The following EPHB1 variants were observed in gnomAD, a reference collection of about 807,000 sequenced individuals.
EPHB1 encodes EPH receptor B1, also known as ephrin type-B receptor 1.
EPHB1 carries 30 observed loss-of-function variants against 94.4 expected under a neutral mutation model. The ratio of observed to expected loss-of-function variants is 0.32; its 90% CI spans 0.24 to 0.43. The LOEUF (loss-of-function observed/expected upper bound fraction) is 0.43, where lower values mean the gene tolerates loss of function less well. Among genes scored for constraint, EPHB1 ranks in the 20% least tolerant of loss-of-function variants. The probability of loss-of-function intolerance (pLI) is 1.00; values close to 1 mark genes in which losing one functional copy is unlikely to be tolerated. For synonymous variants in EPHB1, 522 were observed against 489.1 expected (o/e 1.07, Z -0.89); for missense variants, 1,055 against 1,308.3 (o/e 0.81, Z 2.99).
At chr3:135,179,803 C>T (rs2107704776) in intron 9 of EPHB1, 57 bp from the exon 10 acceptor site, 1 of 1,604,410 alleles carries the variant, frequency 6.2e-7, no homozygotes, top group Non-Finnish European at 8.5e-7. Context: ...ATCAGCAGTG[C>T]TGAATGACAA....
At position 135,260,133 on chromosome 3, in the gene EPHB1, CTGAT is replaced by C. The variant is rs1207157185; in HGVS notation, c.*1015_*1018del. The C allele has an allele frequency of 1.3e-5, 3 of 232,882 alleles. No homozygotes were observed. The highest frequency in any genetic ancestry group is 2.6e-5 in the Non-Finnish European group (3 of 117,572). 14.4% of individuals were successfully genotyped at this position (232,882 alleles called of 1,614,324 possible). On this transcript the variant is annotated 3_prime_UTR_variant, in exon 16 of 16. Coordinates refer to ENST00000398015, the MANE Select transcript of EPHB1 (RefSeq NM_004441.5). Reference sequence around the variant, plus strand: ...GTGGGCCATCCTGGAATGATACTGACTGATTAATTATTCCTGATAACATCTCAAG... The same window carrying C: ...GTGGGCCATCCTGGAATGATACTGACTAATTATTCCTGATAACATCTCAAG...
chr3:135,132,711 C>T lies in EPHB1; in HGVS notation c.962-3C>T, dbSNP rs996632508. The stretch of plus-strand genomic sequence containing the variant: ...TCACTGGACCTTCTTTGTCTCCCTG[C>T]AGGCGTCCCATCAGGTCCCCGCAAT... On this transcript the variant is annotated splice_polypyrimidine_tract_variant and splice_region_variant and intron_variant, in intron 4 of 15. Coordinates refer to ENST00000398015, the MANE Select transcript of EPHB1 (RefSeq NM_004441.5). 5 of 1,572,920 alleles carry T rather than the reference C, an allele frequency of 3.2e-6. No homozygotes were observed. Among genetic ancestry groups the T allele is most frequent in the Non-Finnish European group, 4.3e-6 (5 of 1,154,616 alleles).
intron 3 of EPHB1, among the ~76,000 whole-genome samples, 183 bp from the exon 4 acceptor site, chr3:135,106,265 C>G (rs1335652348): frequency 6.6e-6 from 1 of 152,182 alleles, no homozygotes; most frequent in East Asian, 1.9e-4. Flanking sequence ...ATATATTTCA[C>G]AAAGGATTTT....
intron 4 of EPHB1, among the ~76,000 whole-genome samples, chr3:135,131,235 A>C (rs1217191884): frequency 3.9e-5 from 6 of 152,174 alleles, no homozygotes; most frequent in Non-Finnish European, 5.9e-5. Flanking sequence ...TGGGCTTTAT[A>C]TGGTACAGTA....
At chr3:134,878,549 C>A (rs763478362) in intron 1 of EPHB1, among the ~76,000 whole-genome samples, 2 of 152,222 alleles carry the variant, frequency 1.3e-5, no homozygotes, top group Non-Finnish European at 2.9e-5. Flanking sequence ...GGGGACAGAG[C>A]TGTCTCTGCT....
chr3:134,871,771 G>C (rs138203417), intron 1 of EPHB1, among the ~76,000 whole-genome samples: 2 of 152,224 alleles, frequency 1.3e-5, no homozygotes, highest in East Asian at 3.9e-4. Flanking sequence ...GGATTTCCAA[G>C]AGTCTCCTCC....
chr3:135,192,516 C>G, intron 10 of EPHB1, 60 bp from the exon 11 acceptor site: 1 of 1,581,100 alleles, frequency 6.3e-7, no homozygotes, highest in Non-Finnish European at 8.6e-7. Flanking sequence ...TAGATGACTT[C>G]CCTCTTGAGT....
intron 12 of EPHB1, among the ~76,000 whole-genome samples, chr3:135,215,590 G>GA (rs1368131128): frequency 1.6e-4 from 25 of 152,226 alleles, no homozygotes; most frequent in Non-Finnish European, 2.8e-4. Flanking sequence ...ATTCGCGAAG[G>GA]AAAATTGAGG....
At chr3:134,923,584 C>G (rs529839557) in intron 1 of EPHB1, among the ~76,000 whole-genome samples, 1 of 152,310 alleles carries the variant, frequency 6.6e-6, no homozygotes, top group African/African-American at 2.4e-5. Context: ...GCCCCTGTGT[C>G]CTGGACAGGC....
intron 3 of EPHB1, among the ~76,000 whole-genome samples, chr3:135,086,407 C>A (rs1296728553): frequency 1.3e-5 from 2 of 151,734 alleles, no homozygotes; most frequent in Non-Finnish European, 2.9e-5. Flanking sequence ...ACATCGTGCC[C>A]CACTTCAAGA....
intron 2 of EPHB1, among the ~76,000 whole-genome samples, chr3:134,939,174 T>C (rs2039066880): frequency 6.6e-6 from 1 of 152,216 alleles, no homozygotes; most frequent in Non-Finnish European, 1.5e-5. Context: ...ATTCCAGTTA[T>C]GTCCCTCACC....
At chr3:135,160,927 G>A (rs1039459196) in intron 6 of EPHB1, among the ~76,000 whole-genome samples, 5 of 152,136 alleles carry the variant, frequency 3.3e-5, no homozygotes, top group East Asian at 1.9e-4. Context: ...TGTGGTCCCC[G>A]GATTTAGGGG....
chr3:135,237,414 A>T (rs1354497096), intron 12 of EPHB1, among the ~76,000 whole-genome samples: 1 of 152,134 alleles, frequency 6.6e-6, no homozygotes, highest in East Asian at 1.9e-4. Flanking sequence ...CAACACAACT[A>T]TTCAATGCAA....
intron 3 of EPHB1, among the ~76,000 whole-genome samples, chr3:135,038,563 G>A (rs1369892585): frequency 5.3e-5 from 8 of 152,292 alleles, no homozygotes; most frequent in Non-Finnish European, 1.2e-4. Flanking sequence ...GAATTGGTGG[G>A]TTCTTGGTCT....
chr3:135,240,644 A>G (rs1192561463), intron 12 of EPHB1, among the ~76,000 whole-genome samples: 1 of 152,124 alleles, frequency 6.6e-6, no homozygotes, highest in Non-Finnish European at 1.5e-5. Flanking sequence ...ATGCAACAAA[A>G]ATGGGGCAGA....
At chr3:134,941,798 C>A (rs1299594069) in intron 2 of EPHB1, among the ~76,000 whole-genome samples, 1 of 140,638 alleles carries the variant, frequency 7.1e-6, no homozygotes, top group Non-Finnish European at 1.5e-5. Flanking sequence ...CACACACACA[C>A]AATCAGCCAG....
At position 135,201,471 on chromosome 3, in the gene EPHB1, C is replaced by T. The variant is rs1177218290; in HGVS notation, c.2131-3C>T. 1.2e-6 allele frequency: 2 copies of T among 1,613,952 alleles called. No individual in the cohort carries two copies. Among genetic ancestry groups the T allele is most frequent in the East Asian group, 2.2e-5 (1 of 44,852 alleles). The stretch of plus-strand genomic sequence containing the variant: ...TCCCAATGCCCTCTATGTCTTATTA[C>T]AGCAAAATGACGGGCAGTTCACCGT... On this transcript the variant is annotated splice_polypyrimidine_tract_variant and splice_region_variant and intron_variant, in intron 11 of 15. Transcript: ENST00000398015.
At chr3:134,892,002 G>C (rs1397417449) in intron 1 of EPHB1, among the ~76,000 whole-genome samples, 1 of 152,212 alleles carries the variant, frequency 6.6e-6, no homozygotes, top group South Asian at 2.1e-4. Flanking sequence ...GTTCTTATAA[G>C]TGAGTTTTGG....
rs1284064764 is a variant in EPHB1, at chr3:135,230,162, A to G, written c.2347-10986A>G. On this transcript the variant is annotated intron_variant, in intron 12 of 15. Transcript: ENST00000398015. ...GGATGAAACACTGGACGTGGCCTGGAAACAGAAGGGGAGATAGTGGGGTGG... is the reference window on the plus strand; with the variant it reads ...GGATGAAACACTGGACGTGGCCTGGGAACAGAAGGGGAGATAGTGGGGTGG... 2.0e-5 allele frequency among the ~76,000 whole-genome samples: 3 copies of G among 152,160 alleles called. 1 individual carries two copies. The South Asian group carries it at 6.2e-4, about 32-fold the overall frequency.
Sources: allele counts gnomAD v4.1 joint callset (sites outside exome capture counted in the v4.1 genomes callset), GRCh38; gene constraint gnomAD v4.1.1; transcripts MANE v1.5; gene names NCBI Gene and HGNC (gene_info 2026-07-23, HGNC 2026-07-21).